MATN2: variants seen among roughly 807,000 people sequenced by gnomAD.
The protein encoded by MATN2 is matrilin-2.
A neutral mutation model predicts 103.2 loss-of-function variants in MATN2; 69 were observed. That is an observed-to-expected ratio of 0.67 (90% CI 0.55 to 0.82). The LOEUF (loss-of-function observed/expected upper bound fraction) is 0.82. Ranked by LOEUF, MATN2 falls within the 40% of genes least tolerant of loss-of-function variation. The probability of loss-of-function intolerance (pLI) is 0.00; values close to 1 mark genes in which losing one functional copy is unlikely to be tolerated. For synonymous variants in MATN2, 429 were observed against 450.2 expected (o/e 0.95, Z 0.60); for missense variants, 1,023 against 1,211.5 (o/e 0.84, Z 2.31).
At chr8:97,943,234 C>G (rs934304385) in intron 4 of MATN2, among the ~76,000 whole-genome samples, 1 of 152,124 alleles carries the variant, frequency 6.6e-6, no homozygotes, top group African/African-American at 2.4e-5. Flanking sequence ...ACACCCCCCT[C>G]TAGACACCTC....
intron 2 of MATN2, among the ~76,000 whole-genome samples, chr8:97,911,464 T>C (rs1809433730): frequency 6.6e-6 from 1 of 151,984 alleles, no homozygotes; most frequent in Non-Finnish European, 1.5e-5. Context: ...ATCCCAGCAC[T>C]TTGGGAGGCC....
chr8:98,007,092 T>C lies in MATN2; in HGVS notation c.1328-13T>C. ...CTCGGCTCCTCTATGCTTTCGCGTG[T>C]GTGAAAATGCAGGAGTGGACCACTG... On this transcript the variant is annotated splice_polypyrimidine_tract_variant and intron_variant, in intron 8 of 18. Transcript: ENST00000254898. The surrounding 1 kb of genome is among the most constrained non-coding windows in gnomAD (Gnocchi z 4.2). The C allele has an allele frequency of 1.2e-6, 2 of 1,602,238 alleles. No homozygotes were observed. The highest frequency in any genetic ancestry group is 1.7e-6 in the Non-Finnish European group (2 of 1,174,072).
intron 1 of MATN2, among the ~76,000 whole-genome samples, chr8:97,875,789 A>G (rs1818049830): frequency 7.7e-6 from 1 of 130,070 alleles, no homozygotes. Context: ...TCCACCTCCC[A>G]GGTTCACACC....
chr8:97,941,820 C>G lies in MATN2; in HGVS notation c.756C>G (p.Phe252Leu), dbSNP rs553592833. The change falls in exon 4 of 19, where the codon TTC becomes TTG. Residue 252 changes from phenylalanine to leucine, a missense_variant. By Grantham distance (22) the Phe-to-Leu change is conservative (BLOSUM62 0). Coordinates refer to ENST00000254898, the MANE Select transcript of MATN2 (RefSeq NM_002380.5). ...CSTLEHNCAH[F>L]CINIPGSYVC... is the part of the protein sequence containing the mutation. ...CCCTGGAGCATAACTGTGCCCACTT[C>G]TGCATCAACATCCCTGGCTCATACG... 988 of 1,611,914 alleles carry G rather than the reference C, an allele frequency of 6.1e-4. 13 individuals are homozygous for G. In the South Asian group the frequency reaches 1.0e-2, roughly 16 times the overall value.
intron 2 of MATN2, among the ~76,000 whole-genome samples, chr8:97,888,540 G>T (rs1406295933): frequency 1.3e-5 from 2 of 152,144 alleles, no homozygotes; most frequent in Non-Finnish European, 2.9e-5. Flanking sequence ...GGACCTATCT[G>T]AGCAAAGGTG....
At chr8:98,006,106 C>G (rs1341251635) in intron 8 of MATN2, among the ~76,000 whole-genome samples, 2 of 152,204 alleles carry the variant, frequency 1.3e-5, no homozygotes, top group Non-Finnish European at 2.9e-5. Flanking sequence ...AGCTGTTCAC[C>G]ACAGCTGTGT....
chr8:97,888,197 T>C lies in MATN2; in HGVS notation c.97T>C (p.Ser33Pro). ...GGAGCGGTCACGTGGGAGGTCCATC[T>C]CTAGGGGCAGACACGCTCGGACCCA... ...ARERSRGRSI[S>P]RGRHARTHPQ... Residue 33 changes from serine to proline, a missense_variant, in exon 2 of 19, where the codon TCT (serine) becomes CCT (proline). Physicochemically the swap from Ser to Pro is moderately conservative, Grantham distance 74. Transcript: ENST00000254898. The C allele has an allele frequency of 6.2e-7, 1 of 1,604,762 alleles. No individual in the cohort carries two copies. The highest frequency in any genetic ancestry group is 8.5e-7 in the Non-Finnish European group (1 of 1,174,922).
chr8:97,911,181 C>T (rs1184380087), intron 2 of MATN2, among the ~76,000 whole-genome samples: 1 of 151,352 alleles, frequency 6.6e-6, no homozygotes, highest in African/African-American at 2.4e-5. Flanking sequence ...TCGGTAGAGA[C>T]GGGGTCTCAC....
At chr8:97,996,213 T>G (rs368185745) in intron 7 of MATN2, among the ~76,000 whole-genome samples, 11 of 152,374 alleles carry the variant, frequency 7.2e-5, no homozygotes, top group African/African-American at 2.6e-4. Flanking sequence ...GGACATTTTC[T>G]TGACGTTCTG....
At chr8:97,885,708 G>A (rs1245283669) in intron 1 of MATN2, among the ~76,000 whole-genome samples, 1 of 152,090 alleles carries the variant, frequency 6.6e-6, no homozygotes, top group Non-Finnish European at 1.5e-5. Context: ...CTGAAGTTGG[G>A]GGATCCCTCG....
chr8:98,035,061 T>TAATA (rs1814188032), intron 18 of MATN2, among the ~76,000 whole-genome samples: 1 of 149,594 alleles, frequency 6.7e-6, no homozygotes. Context: ...TCTTAAAAAA[T>TAATA]AATAAATAAA....
rs1217361117 is a variant in MATN2 at position 97,917,966 on chromosome 8, T to A, written c.143-12987T>A. 2.6e-5 allele frequency among the ~76,000 whole-genome samples: 4 copies of A among 152,010 alleles called. No homozygotes were observed. The East Asian group carries it at 7.7e-4, about 29-fold the overall frequency. On this transcript the variant is annotated intron_variant, in intron 2 of 18. Transcript: ENST00000254898. ...TCGGGTGTGGTGGGTGTGCCTGTAG[T>A]CTCAGCTACTCTGGAGGCTACGTTG...
Position 97,953,477 on chromosome 8 carries a change from CA to C in MATN2, c.836-7928del, listed in dbSNP as rs200777039. Among the ~76,000 whole-genome samples the C allele has an allele frequency of 8.4e-3, 1,283 of 152,278 alleles. 15 individuals are homozygous for C. Among genetic ancestry groups the C allele is most frequent in the African/African-American group, 0.029 (1,222 of 41,568 alleles). ...CCAACACGGTGAAACCCTGTCTCTACAAATAATACAAAAGTTAGCTGGTATT... is the reference window on the plus strand; with the variant it reads ...CCAACACGGTGAAACCCTGTCTCTACAATAATACAAAAGTTAGCTGGTATT... On this transcript the variant is annotated intron_variant, in intron 4 of 18. Coordinates refer to ENST00000254898, the MANE Select transcript of MATN2 (RefSeq NM_002380.5).
intron 4 of MATN2, among the ~76,000 whole-genome samples, chr8:97,951,304 GCTGA>G (rs141754219): frequency 0.011 from 1,625 of 152,286 alleles, 39 homozygotes; most frequent in African/African-American, 0.035. Flanking sequence ...GGAGAACTGA[GCTGA>G]CTAAATGTGA....
At chr8:98,011,748 A>T (rs968593138) in intron 10 of MATN2, among the ~76,000 whole-genome samples, 2 of 152,136 alleles carry the variant, frequency 1.3e-5, no homozygotes, top group Non-Finnish European at 2.9e-5. Context: ...GGTTTTAACA[A>T]CGTCTTATGT....
intron 2 of MATN2, among the ~76,000 whole-genome samples, chr8:97,912,423 G>A (rs1809479941): frequency 6.6e-6 from 1 of 152,252 alleles, no homozygotes; most frequent in Non-Finnish European, 1.5e-5. Context: ...GCCGGGCATT[G>A]AAGCGCTGAG....
intron 2 of MATN2, among the ~76,000 whole-genome samples, chr8:97,927,263 C>T (rs373395715): frequency 2.6e-5 from 4 of 152,220 alleles, no homozygotes; most frequent in Non-Finnish European, 5.9e-5. Flanking sequence ...CCTGCCTCAG[C>T]CTCCTGAATA....
chr8:97,971,058 C>T (rs529286711), intron 5 of MATN2, among the ~76,000 whole-genome samples: 7 of 152,140 alleles, frequency 4.6e-5, no homozygotes, highest in South Asian at 2.1e-4. Flanking sequence ...TTGGTCAACA[C>T]GCAGCAGGTG....
chr8:97,872,100 T>C (rs1817914635), intron 1 of MATN2, among the ~76,000 whole-genome samples: 1 of 152,238 alleles, frequency 6.6e-6, no homozygotes, highest in African/African-American at 2.4e-5. Context: ...TTAGCTATAC[T>C]TACTATTATT....
Sources: allele counts gnomAD v4.1 joint callset (sites outside exome capture counted in the v4.1 genomes callset), GRCh38; gene constraint gnomAD v4.1.1; non-coding constraint Gnocchi (gnomAD v3.1); transcripts MANE v1.5; gene names NCBI Gene and HGNC (gene_info 2026-07-23, HGNC 2026-07-21).